ZDHHC13: variants seen among roughly 807,000 people sequenced by gnomAD.
ZDHHC13 encodes palmitoyltransferase ZDHHC13.
ZDHHC13 carries 85 observed loss-of-function variants against 86.0 expected under a neutral mutation model. The observed-to-expected ratio is 0.99, with a 90% CI of 0.83 to 1.18. The LOEUF (loss-of-function observed/expected upper bound fraction) is 1.18, where lower values mean the gene tolerates loss of function less well. ZDHHC13 is among the 50% of genes most tolerant of loss of function. The pLI, the probability that ZDHHC13 is intolerant of heterozygous loss-of-function variation, is 0.00. For missense variants in ZDHHC13, 711 were observed against 730.2 expected (o/e 0.97, Z 0.30); for synonymous variants, 263 against 246.4 (o/e 1.07, Z -0.63).
rs562178925 is a variant in ZDHHC13, at chr11:19,135,740, T to C, written c.28-7238T>C. Among the ~76,000 whole-genome samples the C allele has an allele frequency of 3.1e-3, 471 of 152,368 alleles. 3 individuals are homozygous for C. Among genetic ancestry groups the C allele is most frequent in the African/African-American group, 0.011 (459 of 41,586 alleles). On this transcript the variant is annotated intron_variant, in intron 1 of 16. Coordinates refer to ENST00000446113, the MANE Select transcript of ZDHHC13 (RefSeq NM_019028.3). ...GCTGGAGATCTGAGAACGGGCAGAC[T>C]GCCTCCTCAAGTGGGTCCCTGACCT...
chr11:19,149,746 G>A (rs546371111), intron 5 of ZDHHC13, among the ~76,000 whole-genome samples: 1 of 152,220 alleles, frequency 6.6e-6, no homozygotes, highest in South Asian at 2.1e-4. Flanking sequence ...GTTTCTTATT[G>A]TTCTCTAAAG....
chr11:19,138,803 A>C (rs955578894), intron 1 of ZDHHC13, among the ~76,000 whole-genome samples: 2 of 152,080 alleles, frequency 1.3e-5, no homozygotes, highest in Non-Finnish European at 2.9e-5. Flanking sequence ...ACAGAACCAA[A>C]GACAAAAACC....
Position 19,152,144 on chromosome 11 carries a change from T to C in ZDHHC13, c.585-14T>C, listed in dbSNP as rs1404127941. 1.2e-6 allele frequency: 2 copies of C among 1,609,028 alleles called. No homozygotes were observed. The highest frequency in any genetic ancestry group is 1.7e-5 in the Admixed American group (1 of 59,458). ...TCTGTTAATGCCTCTTGGTATTTTA[T>C]TATTTTGAGACAGGCCAGAACCAAC... On this transcript the variant is annotated splice_polypyrimidine_tract_variant and intron_variant, in intron 6 of 16. Coordinates refer to ENST00000446113, the MANE Select transcript of ZDHHC13 (RefSeq NM_019028.3).
chr11:19,136,736 C>A (rs1234235402), intron 1 of ZDHHC13, among the ~76,000 whole-genome samples: 1 of 152,086 alleles, frequency 6.6e-6, no homozygotes, highest in Non-Finnish European at 1.5e-5. Flanking sequence ...AGAAACTCTA[C>A]AAGCCAGAAG....
In ZDHHC13 at chr11:19,175,389, C is replaced by CA. The variant is rs58806796; in HGVS notation, c.1731-405dup. Among the ~76,000 whole-genome samples the CA allele has an allele frequency of 7.6e-4, 43 of 56,374 alleles. 3 individuals carry two copies. Among genetic ancestry groups the CA allele is most frequent in the African/African-American group, 1.6e-3 (25 of 16,072 alleles). The allele number at this position is 56,374 out of a possible 152,430, so 37.0% of individuals were successfully genotyped here. A position where few individuals can be genotyped will look rare whatever the true frequency, so the allele number is the denominator to read the frequency against. ...TGGGTGACAGAGCGAGACTCCGTCT[C>CA]AAAAAAAAAAAAAAAAAAAAAAAAA... On this transcript the variant is annotated intron_variant, in intron 16 of 16. Transcript: ENST00000446113.
chr11:19,169,323 C>T (rs747843007), intron 14 of ZDHHC13: 137 of 985,254 alleles, frequency 1.4e-4, no homozygotes, highest in Non-Finnish European at 1.5e-4. Context: ...TGTAATTTGC[C>T]TTAACTTGAA....
At chr11:19,145,403 G>A (rs1316256881) in intron 2 of ZDHHC13, among the ~76,000 whole-genome samples, 2 of 152,050 alleles carry the variant, frequency 1.3e-5, no homozygotes, top group African/African-American at 2.4e-5. Context: ...CCTCCAATGC[G>A]ATCTTTCTTA....
At chr11:19,134,151 T>G (rs1849070906) in intron 1 of ZDHHC13, among the ~76,000 whole-genome samples, 1 of 151,974 alleles carries the variant, frequency 6.6e-6, no homozygotes, top group African/African-American at 2.4e-5. Context: ...TACATTTATT[T>G]AAAAATCAGC....
chr11:19,123,866 C>T (rs79776314), intron 1 of ZDHHC13, among the ~76,000 whole-genome samples: 1,765 of 152,168 alleles, frequency 0.012, 25 homozygotes, highest in Middle Eastern at 0.027. Flanking sequence ...TTTTAGCCAT[C>T]AAAGTGTCAA....
chr11:19,119,123 C>G (rs941174083), intron 1 of ZDHHC13, among the ~76,000 whole-genome samples: 2 of 151,224 alleles, frequency 1.3e-5, no homozygotes, highest in African/African-American at 2.4e-5. Flanking sequence ...TCTTTTTTTT[C>G]TTTTTTCAGA....
At chr11:19,175,456 C>CTGGCCTATG (rs1279435729) in intron 16 of ZDHHC13, among the ~76,000 whole-genome samples, 2 of 135,284 alleles carry the variant, frequency 1.5e-5, no homozygotes, top group African/African-American at 2.7e-5. Flanking sequence ...TACAGTTGTT[C>CTGGCCTATG]TGGCCTATGT....
intron 5 of ZDHHC13, among the ~76,000 whole-genome samples, chr11:19,150,117 T>G (rs116757836): frequency 1.3e-5 from 2 of 152,324 alleles, no homozygotes; most frequent in African/African-American, 4.8e-5. Context: ...AAGCTGAAAC[T>G]GTTTTTCTTT....
At chr11:19,123,342 C>G (rs1331036776) in intron 1 of ZDHHC13, among the ~76,000 whole-genome samples, 1 of 151,992 alleles carries the variant, frequency 6.6e-6, no homozygotes, top group Non-Finnish European at 1.5e-5. Context: ...AACAAAGGGT[C>G]AGGGTGGGGT....
chr11:19,169,699 G>A, intron 14 of ZDHHC13: 2 of 985,504 alleles, frequency 2.0e-6, no homozygotes, highest in Non-Finnish European at 2.4e-6. Context: ...CTTCCTGTGT[G>A]TATTTCTCCT....
At chr11:19,131,142 C>T (rs1486013817) in intron 1 of ZDHHC13, among the ~76,000 whole-genome samples, 7 of 152,178 alleles carry the variant, frequency 4.6e-5, no homozygotes, top group Non-Finnish European at 1.0e-4. Flanking sequence ...CCTCAGCCTC[C>T]CGAATAGCTG....
chr11:19,170,993 T>C (rs760920564), intron 15 of ZDHHC13, among the ~76,000 whole-genome samples: 3 of 152,244 alleles, frequency 2.0e-5, no homozygotes, highest in Non-Finnish European at 4.4e-5. Flanking sequence ...ATGTTGTGTG[T>C]AAGCATAGTA....
chr11:19,135,842 A>G (rs1232591849), intron 1 of ZDHHC13, among the ~76,000 whole-genome samples: 1 of 152,162 alleles, frequency 6.6e-6, no homozygotes, highest in Non-Finnish European at 1.5e-5. Context: ...GGGTACTCCA[A>G]CAGACCTGCA....
At chr11:19,135,215 G>A (rs1376250311) in intron 1 of ZDHHC13, among the ~76,000 whole-genome samples, 5 of 152,226 alleles carry the variant, frequency 3.3e-5, no homozygotes, top group Admixed American at 6.5e-5. Context: ...GTGGGTGCAC[G>A]CACGGTGTGC....
intron 1 of ZDHHC13, among the ~76,000 whole-genome samples, chr11:19,138,833 T>C (rs1306632711): frequency 6.6e-6 from 1 of 152,132 alleles, no homozygotes; most frequent in East Asian, 1.9e-4. Flanking sequence ...TCTCAATAGA[T>C]GCAGAAAAGG....
Sources: allele counts gnomAD v4.1 joint callset (sites outside exome capture counted in the v4.1 genomes callset), GRCh38; gene constraint gnomAD v4.1.1; transcripts MANE v1.5; gene names NCBI Gene and HGNC (gene_info 2026-07-23, HGNC 2026-07-21).